CRISP1: variants seen among roughly 807,000 people sequenced by gnomAD.
The protein encoded by CRISP1 is cysteine rich secretory protein 1, also known as cysteine-rich secretory protein 1.
In CRISP1, 44 loss-of-function variants were observed where a neutral mutation model predicts 33.1. The ratio of observed to expected loss-of-function variants is 1.33; its 90% confidence interval spans 1.05 to 1.71. The LOEUF (loss-of-function observed/expected upper bound fraction) is 1.71, where lower values mean the gene tolerates loss of function less well. CRISP1 is among the 40% of genes most tolerant of loss of function. The pLI is 0.00. For synonymous variants in CRISP1, 103 were observed against 98.7 expected, an observed-to-expected ratio of 1.04 and a Z score of -0.26; for missense variants, 390 against 301.2, an observed-to-expected ratio of 1.29 and a Z score of -2.18.
chr6:49,864,428 G>A (rs1472474877), intron 1 of CRISP1, among the ~76,000 whole-genome samples: 2 of 149,812 alleles, frequency 1.3e-5, no homozygotes, highest in African/African-American at 4.9e-5. Flanking sequence ...GTGTGTGTAT[G>A]TGTTTGGATA....
chr6:49,842,583 G>T (rs1255606107), intron 5 of CRISP1, among the ~76,000 whole-genome samples: 1 of 152,048 alleles, frequency 6.6e-6, no homozygotes, highest in African/African-American at 2.4e-5. Context: ...AAAGCCTTGT[G>T]GTATATTCCC....
At position 49,850,247 on chromosome 6, in the gene CRISP1, T is replaced by C. The variant is rs1014011973; in HGVS notation, c.195+1754A>G. Among the ~76,000 whole-genome samples, 4 of 152,020 alleles carry C rather than the reference T, an allele frequency of 2.6e-5. No homozygotes were observed. The South Asian group carries it at 8.3e-4, about 32-fold the overall frequency. On this transcript the variant is annotated intron_variant, in intron 3 of 7. Coordinates refer to ENST00000335847, the MANE Select transcript of CRISP1 (RefSeq NM_001131.3). ...ATGTACCCTAAAACTTAAAGTATAA[T>C]AATAATAAAATAAAATAAAAAAAGA...
At chr6:49,841,333 A>G (rs906600982) in intron 5 of CRISP1, among the ~76,000 whole-genome samples, 2 of 152,168 alleles carry the variant, frequency 1.3e-5, no homozygotes, top group African/African-American at 2.4e-5. Context: ...ACAAAACCCA[A>G]TGTTCATTTT....
chr6:49,846,199 C>G (rs1361392193), intron 5 of CRISP1, among the ~76,000 whole-genome samples: 3 of 152,002 alleles, frequency 2.0e-5, no homozygotes, highest in Admixed American at 6.6e-5. Context: ...AGTTAGAAAT[C>G]AGGGGTTTCT....
chr6:49,841,585 G>C (rs920745981), intron 5 of CRISP1, among the ~76,000 whole-genome samples: 1 of 152,084 alleles, frequency 6.6e-6, no homozygotes, highest in African/African-American at 2.4e-5. Context: ...TGTCATCAAC[G>C]CTGGCTCATT....
intron 7 of CRISP1, 91 bp downstream of exon 7, chr6:49,838,346 A>C: frequency 1.1e-6 from 1 of 905,550 alleles, no homozygotes; most frequent in Non-Finnish European, 1.7e-6. Context: ...GTTGTAGAAA[A>C]GTGCGATGTT....
intron 1 of CRISP1, among the ~76,000 whole-genome samples, chr6:49,859,369 C>T (rs1354798858): frequency 6.7e-6 from 1 of 150,344 alleles, no homozygotes; most frequent in Non-Finnish European, 1.5e-5. Flanking sequence ...GCTGCTGCTG[C>T]CAGAGATGAT....
chr6:49,873,788 T>C lies in CRISP1; in HGVS notation c.-3+3221A>G, dbSNP rs140088393. ...AAAGTTTTTTAAAGCTCAGTACCTATACTTAACAAAAATATAAACTTGACA... is the reference window on the plus strand; with the variant it reads ...AAAGTTTTTTAAAGCTCAGTACCTACACTTAACAAAAATATAAACTTGACA... On this transcript the variant is annotated intron_variant, in intron 1 of 7. Transcript: ENST00000505118. Among the ~76,000 whole-genome samples, 29 of 152,188 alleles carry C rather than the reference T, an allele frequency of 1.9e-4. No individual in the cohort carries two copies. The East Asian group carries it at 5.0e-3, about 26-fold the overall frequency.
At chr6:49,861,881 T>C (rs1771662836) in intron 1 of CRISP1, among the ~76,000 whole-genome samples, 1 of 144,286 alleles carries the variant, frequency 6.9e-6, no homozygotes, top group African/African-American at 2.6e-5. Flanking sequence ...CAAGACTCCA[T>C]AAAAAAAAAA....
upstream of CRISP1, among the ~76,000 whole-genome samples, chr6:49,866,776 A>AT (rs1771808898): frequency 1.3e-5 from 2 of 152,178 alleles, no homozygotes; most frequent in South Asian, 4.1e-4. Flanking sequence ...CCACAATCAG[A>AT]TAACAAAGGT....
chr6:49,856,144 C>G (rs1771491310), intron 2 of CRISP1, among the ~76,000 whole-genome samples: 1 of 152,138 alleles, frequency 6.6e-6, no homozygotes, highest in South Asian at 2.1e-4. Flanking sequence ...TTCTACTTAT[C>G]TGCTCTTTGC....
rs754331909 is a variant in CRISP1 at position 49,846,672 on chromosome 6, A to G, written c.287-4T>C. 2 of 1,612,872 alleles carry G rather than the reference A, an allele frequency of 1.2e-6. No homozygotes were observed. The highest frequency in any genetic ancestry group is 1.7e-6 in the Non-Finnish European group (2 of 1,179,332). The stretch of plus-strand genomic sequence containing the variant: ...ATATTTTCTCCACAAAAGGTATCTG[A>G]AATGAGAAAACGGGCTGGGTCATAC... On this transcript the variant is annotated splice_polypyrimidine_tract_variant and splice_region_variant and intron_variant, in intron 4 of 7. Transcript: ENST00000335847.
intron 1 of CRISP1, among the ~76,000 whole-genome samples, chr6:49,860,908 C>G (rs778793572): frequency 1.3e-5 from 2 of 151,656 alleles, no homozygotes; most frequent in Non-Finnish European, 2.9e-5. Context: ...ATCAGAAAAA[C>G]AAAAGATATT....
chr6:49,858,258 A>G (rs1771548067), intron 1 of CRISP1, among the ~76,000 whole-genome samples: 1 of 152,156 alleles, frequency 6.6e-6, no homozygotes, highest in Non-Finnish European at 1.5e-5. Context: ...TTTAGTTAAT[A>G]TAGCTAGCTA....
At chr6:49,862,624 C>G (rs1231691406) in intron 1 of CRISP1, among the ~76,000 whole-genome samples, 2 of 151,992 alleles carry the variant, frequency 1.3e-5, no homozygotes, top group African/African-American at 4.8e-5. Flanking sequence ...TAATCGGTAT[C>G]ACCTGGGATT....
At chr6:49,862,084 C>T (rs1263703444) in intron 1 of CRISP1, among the ~76,000 whole-genome samples, 1 of 151,988 alleles carries the variant, frequency 6.6e-6, no homozygotes, top group Non-Finnish European at 1.5e-5. Context: ...AAATAAAAGG[C>T]ATTCAAATTG....
intron 7 of CRISP1, among the ~76,000 whole-genome samples, chr6:49,836,774 A>G (rs1280883017): frequency 6.6e-6 from 1 of 152,194 alleles, no homozygotes; most frequent in African/African-American, 2.4e-5. Flanking sequence ...ACTACAGTAG[A>G]TTTATCAAGG....
At chr6:49,847,492 T>C (rs915071574) in intron 4 of CRISP1, among the ~76,000 whole-genome samples, 3 of 152,114 alleles carry the variant, frequency 2.0e-5, no homozygotes, top group Admixed American at 1.3e-4. Flanking sequence ...TCTCTCACCA[T>C]GTGAGACACT....
upstream of CRISP1, among the ~76,000 whole-genome samples, chr6:49,871,390 A>C (rs964206118): frequency 6.6e-6 from 1 of 152,178 alleles, no homozygotes; most frequent in Admixed American, 6.6e-5. Flanking sequence ...TCTACAGGGA[A>C]GTAATCCATG....
Sources: allele counts gnomAD v4.1 joint callset (sites outside exome capture counted in the v4.1 genomes callset), GRCh38; gene constraint gnomAD v4.1.1; transcripts MANE v1.5; gene names NCBI Gene and HGNC (gene_info 2026-07-23, HGNC 2026-07-21).